KIAA0825: variants seen among roughly 807,000 people sequenced by gnomAD.
KIAA0825 encodes the protein uncharacterized protein KIAA0825.
In KIAA0825, 119 loss-of-function variants were observed where a neutral mutation model predicts 147.6. That is an observed-to-expected ratio of 0.81 (90% CI 0.69 to 0.94). The LOEUF (loss-of-function observed/expected upper bound fraction) is 0.94, where lower values mean the gene tolerates loss of function less well. Among genes scored for constraint, KIAA0825 ranks in the 40% least tolerant of loss-of-function variants. The probability of loss-of-function intolerance (pLI) is 0.00; values close to 1 mark genes in which losing one functional copy is unlikely to be tolerated. For synonymous variants in KIAA0825, 470 were observed against 518.1 expected (o/e 0.91, Z 1.26); for missense variants, 1,381 against 1,472.7 (o/e 0.94, Z 1.02).
At chr5:94,613,213 G>C (rs6898151) in intron 1 of KIAA0825, among the ~76,000 whole-genome samples, 12,427 of 151,996 alleles carry the variant, frequency 0.082, 560 homozygotes, top group South Asian at 0.12. Flanking sequence ...TTTTTTTTGA[G>C]AGAGAATCCT....
At chr5:94,345,029 A>C (rs1169220667) in intron 20 of KIAA0825, among the ~76,000 whole-genome samples, 1 of 152,142 alleles carries the variant, frequency 6.6e-6, no homozygotes, top group African/African-American at 2.4e-5. Flanking sequence ...ATGCTGCTGA[A>C]CTATACAGTT....
intron 20 of KIAA0825, among the ~76,000 whole-genome samples, chr5:94,380,221 T>G (rs544236699): frequency 1.8e-4 from 27 of 152,288 alleles, no homozygotes; most frequent in Admixed American, 5.2e-4. Context: ...TAACCTGACT[T>G]TCACCCAAAT....
At chr5:94,548,230 A>G (rs1041700526) in intron 2 of KIAA0825, among the ~76,000 whole-genome samples, 2 of 152,212 alleles carry the variant, frequency 1.3e-5, no homozygotes, top group Non-Finnish European at 2.9e-5. Flanking sequence ...TGTAGACAGT[A>G]CAATAAGACA....
At chr5:94,312,582 C>T (rs1020088052) in intron 20 of KIAA0825, among the ~76,000 whole-genome samples, 30 of 151,766 alleles carry the variant, frequency 2.0e-4, no homozygotes, top group African/African-American at 7.0e-4. Context: ...ATGACTCAAT[C>T]TATTATGTCA....
chr5:94,362,588 T>A (rs1745213739), intron 20 of KIAA0825, among the ~76,000 whole-genome samples: 1 of 140,738 alleles, frequency 7.1e-6, no homozygotes, highest in Non-Finnish European at 1.7e-5. Flanking sequence ...ATTCAGCTTA[T>A]CTTCCCCTCC....
chr5:94,269,737 A>G (rs1776898501), intron 20 of KIAA0825, among the ~76,000 whole-genome samples: 1 of 152,078 alleles, frequency 6.6e-6, no homozygotes, highest in South Asian at 2.1e-4. Context: ...AAATAACCTA[A>G]TGATGCATCG....
rs534482626 is a variant in KIAA0825, at chr5:94,590,071, C to A, written c.-152-7488G>T. On this transcript the variant is annotated intron_variant, in intron 1 of 20. Transcript: ENST00000682413. ...GTGGCGCAATCTTGGCTCACTGCAA[C>A]CTCTGCTTCCCAGGTTCAAGCGATT... 2.6e-5 allele frequency among the ~76,000 whole-genome samples: 4 copies of A among 152,188 alleles called. No homozygotes were observed. In the East Asian group the frequency reaches 7.7e-4, roughly 29 times the overall value.
chr5:94,235,114 C>A (rs919006858), intron 20 of KIAA0825, among the ~76,000 whole-genome samples: 1 of 152,006 alleles, frequency 6.6e-6, no homozygotes, highest in Non-Finnish European at 1.5e-5. Flanking sequence ...ACATCTCTAA[C>A]TTTAAATCAA....
intron 3 of KIAA0825, among the ~76,000 whole-genome samples, chr5:94,536,304 G>A (rs1296160754): frequency 6.6e-6 from 1 of 152,134 alleles, no homozygotes; most frequent in Non-Finnish European, 1.5e-5. Flanking sequence ...TTTAAAAAAA[G>A]AAATGCTATG....
At chr5:94,332,303 G>A (rs577699289) in intron 20 of KIAA0825, among the ~76,000 whole-genome samples, 24 of 149,894 alleles carry the variant, frequency 1.6e-4, no homozygotes, top group African/African-American at 5.2e-4. Flanking sequence ...AGGTATACAC[G>A]TGCCATGGTG....
intron 20 of KIAA0825, among the ~76,000 whole-genome samples, chr5:94,231,699 A>T (rs997831661): frequency 1.3e-5 from 2 of 152,146 alleles, no homozygotes; most frequent in African/African-American, 4.8e-5. Flanking sequence ...ACGTATCTGG[A>T]TGGATGTTCA....
intron 5 of KIAA0825, among the ~76,000 whole-genome samples, chr5:94,507,385 G>A (rs1026733942): frequency 2.0e-5 from 3 of 152,210 alleles, no homozygotes; most frequent in South Asian, 2.1e-4. Flanking sequence ...TCCAGGAGGC[G>A]GAGGCTGCAG....
intron 20 of KIAA0825, among the ~76,000 whole-genome samples, chr5:94,257,360 TA>T (rs1368580686): frequency 6.6e-6 from 1 of 152,046 alleles, no homozygotes; most frequent in Non-Finnish European, 1.5e-5. Context: ...ACCTATATTT[TA>T]AAAAAGAAAA....
intron 20 of KIAA0825, among the ~76,000 whole-genome samples, chr5:94,185,090 C>T (rs1770004925): frequency 6.6e-6 from 1 of 152,160 alleles, no homozygotes; most frequent in African/African-American, 2.4e-5. Context: ...TTCTTCACAG[C>T]ATGATGGTTT....
rs1756886502 is a variant in KIAA0825 at position 94,440,119 on chromosome 5, G to A, written c.2360C>T (p.Thr787Ile). 6.5e-7 allele frequency: 1 copy of A among 1,550,222 alleles called. No homozygotes were observed. The highest frequency in any genetic ancestry group is 1.2e-5 in the South Asian group (1 of 83,790). ...ISHFYPSLLR[T>I]PSAGGLKAEG... ...GGCTTTCAGTCCTCCAGCTGATGGAGTCCTTTCAAAATGCAAGATAAAGAT... is the reference window on the plus strand; with the variant it reads ...GGCTTTCAGTCCTCCAGCTGATGGAATCCTTTCAAAATGCAAGATAAAGAT... The change falls in exon 14 of 21, where the codon ACT (threonine) becomes ATT (isoleucine). Residue 787 changes from threonine (T) to isoleucine (I), a missense_variant and splice_region_variant. By Grantham distance (89) the Thr-to-Ile change is moderately conservative (BLOSUM62 -1). Transcript: ENST00000682413.
At chr5:94,616,529 T>TAC (rs146182240) in intron 1 of KIAA0825, among the ~76,000 whole-genome samples, 2,548 of 150,746 alleles carry the variant, frequency 0.017, 36 homozygotes, top group African/African-American at 0.029. Flanking sequence ...TCTTTCTCCC[T>TAC]ACACACACAC....
chr5:94,386,220 A>C (rs1749120576), intron 19 of KIAA0825, 22 bp downstream of exon 19: 1 of 1,527,252 alleles, frequency 6.5e-7, no homozygotes, highest in Admixed American at 2.2e-5. Context: ...CATTTAAATT[A>C]AATTTACCAT....
At chr5:94,354,899 G>A (rs1784083643) in intron 20 of KIAA0825, among the ~76,000 whole-genome samples, 1 of 152,152 alleles carries the variant, frequency 6.6e-6, no homozygotes, top group East Asian at 1.9e-4. Context: ...GAGGTCCTGG[G>A]AACATGTGCC....
At chr5:94,246,685 C>T (rs966896340) in intron 20 of KIAA0825, among the ~76,000 whole-genome samples, 1 of 152,074 alleles carries the variant, frequency 6.6e-6, no homozygotes, top group African/African-American at 2.4e-5. Flanking sequence ...TGAGTTATGT[C>T]CCATAATTCT....
Sources: gnomAD v4.1 joint callset for allele counts (sites outside exome capture counted in the v4.1 genomes callset) on GRCh38, gnomAD v4.1.1 for gene constraint, MANE v1.5 for transcripts, NCBI Gene and HGNC (gene_info 2026-07-23, HGNC 2026-07-21) for gene names.